CNTN4: variants seen among roughly 807,000 people sequenced by gnomAD.
The protein encoded by CNTN4 is contactin 4.
A neutral mutation model predicts 122.5 loss-of-function variants in CNTN4; 77 were observed. That is an observed-to-expected ratio of 0.63 (90% CI 0.52 to 0.76). The LOEUF is 0.76. Among genes scored for constraint, CNTN4 ranks in the 30% least tolerant of loss-of-function variants. The pLI is 0.00. For missense variants in CNTN4, 1,256 were observed against 1,259.1 expected (o/e 1.00, Z 0.04); for synonymous variants, 512 against 447.0 (o/e 1.15, Z -1.83).
chr3:2,689,921 C>T (rs1410844891), intron 4 of CNTN4, among the ~76,000 whole-genome samples: 3 of 151,966 alleles, frequency 2.0e-5, no homozygotes, highest in East Asian at 1.9e-4. Context: ...GAGGTAGGGG[C>T]GTGTGTGTTT....
intron 3 of CNTN4, among the ~76,000 whole-genome samples, chr3:2,440,630 A>G (rs1011588658): frequency 1.3e-5 from 2 of 151,926 alleles, no homozygotes; most frequent in Non-Finnish European, 2.9e-5. Flanking sequence ...GCAAAGCTAA[A>G]CATTCTGAAT....
At chr3:2,284,444 A>T (rs961572144) in intron 2 of CNTN4, among the ~76,000 whole-genome samples, 9 of 152,068 alleles carry the variant, frequency 5.9e-5, no homozygotes, top group African/African-American at 1.9e-4. Flanking sequence ...AATCCTTTTA[A>T]CTGGTCTGGA....
In CNTN4 at chr3:2,682,066, TCA is replaced by T. The variant is rs1405914251; in HGVS notation, c.56-54146_56-54145del. The stretch of plus-strand genomic sequence containing the variant: ...TCTTCCAATATGAATCGTTATCCAT[TCA>T]CAGATATTTATAAATCCTCTACTAG... On this transcript the variant is annotated intron_variant, in intron 4 of 24. Coordinates refer to ENST00000418658, the MANE Select transcript of CNTN4 (RefSeq NM_175607.3). 4.6e-5 allele frequency among the ~76,000 whole-genome samples: 7 copies of T among 152,192 alleles called. No homozygotes were observed. The East Asian group carries it at 1.3e-3, about 29-fold the overall frequency.
chr3:2,329,193 G>C (rs1145033), intron 2 of CNTN4, among the ~76,000 whole-genome samples: 134,427 of 152,226 alleles, frequency 0.88, 60,255 homozygotes, highest in East Asian at 1. Context: ...CTGTCTACCA[G>C]CAGAAGTGCA....
chr3:2,919,666 T>C (rs771566309), intron 12 of CNTN4, among the ~76,000 whole-genome samples: 1 of 152,178 alleles, frequency 6.6e-6, no homozygotes, highest in Non-Finnish European at 1.5e-5. Context: ...TGAGTTTGTA[T>C]AAGAGTTTAA....
At chr3:2,267,531 T>C (rs2041101740) in intron 2 of CNTN4, among the ~76,000 whole-genome samples, 1 of 152,126 alleles carries the variant, frequency 6.6e-6, no homozygotes, top group African/African-American at 2.4e-5. Flanking sequence ...ATGTCTGTTA[T>C]ACATGACAAT....
intron 3 of CNTN4, among the ~76,000 whole-genome samples, chr3:2,363,017 G>A (rs561846969): frequency 2.7e-4 from 41 of 152,018 alleles, no homozygotes; most frequent in African/African-American, 9.7e-4. Context: ...CTGAGACAAT[G>A]TTCCAGGTTT....
At chr3:2,651,313 T>C (rs1011473716) in intron 4 of CNTN4, among the ~76,000 whole-genome samples, 2 of 152,176 alleles carry the variant, frequency 1.3e-5, no homozygotes, top group African/African-American at 2.4e-5. Flanking sequence ...GTGCTCCCGA[T>C]GATCCCTTTG....
intron 3 of CNTN4, among the ~76,000 whole-genome samples, chr3:2,567,221 G>A (rs2079206908): frequency 6.6e-6 from 1 of 151,850 alleles, no homozygotes; most frequent in Admixed American, 6.6e-5. Context: ...CTAGTAGCTG[G>A]GACTACAGGC....
intron 2 of CNTN4, among the ~76,000 whole-genome samples, chr3:2,308,482 T>C (rs1280131624): frequency 1.3e-5 from 2 of 152,096 alleles, no homozygotes; most frequent in East Asian, 1.9e-4. Flanking sequence ...AGTTAAGTTA[T>C]TGATTTTAAA....
At chr3:2,134,510 A>C (rs1457992382) in intron 2 of CNTN4, among the ~76,000 whole-genome samples, 1 of 152,150 alleles carries the variant, frequency 6.6e-6, no homozygotes, top group Non-Finnish European at 1.5e-5. Context: ...TCACTGCTAA[A>C]AATTTCTCGG....
chr3:2,858,370 G>A (rs2150745546), intron 7 of CNTN4, among the ~76,000 whole-genome samples: 1 of 152,266 alleles, frequency 6.6e-6, no homozygotes, highest in South Asian at 2.1e-4. Context: ...TGGACATTGT[G>A]TTGTATCACT....
chr3:3,010,911 T>C (rs1446934379), intron 14 of CNTN4, among the ~76,000 whole-genome samples: 2 of 151,842 alleles, frequency 1.3e-5, no homozygotes, highest in Admixed American at 6.6e-5. Context: ...CTCATTGAAA[T>C]GCAGATCTCC....
At position 3,006,031 on chromosome 3, in the gene CNTN4, G is replaced by A. The variant is rs368979919; in HGVS notation, c.1486+17559G>A. Among the ~76,000 whole-genome samples the A allele has an allele frequency of 2.4e-4, 36 of 151,648 alleles. 1 individual carries two copies. Among genetic ancestry groups the A allele is most frequent in the East Asian group, 2.1e-3 (11 of 5,126 alleles). On this transcript the variant is annotated intron_variant, in intron 14 of 24. Coordinates refer to ENST00000418658, the MANE Select transcript of CNTN4 (RefSeq NM_175607.3). ...CTCCCAAGTAGCTGGGACTACAGGC[G>A]CCCACCCCCACGCTCGGCTAATTTT... is the stretch of plus-strand genomic sequence containing the variant.
chr3:2,164,214 A>G (rs2036091705), intron 2 of CNTN4, among the ~76,000 whole-genome samples: 1 of 152,106 alleles, frequency 6.6e-6, no homozygotes, highest in Non-Finnish European at 1.5e-5. Flanking sequence ...ACAAAGAAGA[A>G]AGAGAGATTG....
At chr3:2,458,516 A>G (rs1033064772) in intron 3 of CNTN4, among the ~76,000 whole-genome samples, 1 of 152,272 alleles carries the variant, frequency 6.6e-6, no homozygotes, top group Non-Finnish European at 1.5e-5. Flanking sequence ...ATTAAGCATT[A>G]TCTATCTATT....
At chr3:2,687,445 G>T (rs2085495009) in intron 4 of CNTN4, among the ~76,000 whole-genome samples, 1 of 152,092 alleles carries the variant, frequency 6.6e-6, no homozygotes, top group Admixed American at 6.6e-5. Flanking sequence ...TGGATCACTT[G>T]AGCCTGGAAG....
Position 2,630,065 on chromosome 3 carries a change from T to C in CNTN4, c.55+58507T>C, listed in dbSNP as rs563094991. Among the ~76,000 whole-genome samples, 13 of 152,302 alleles carry C rather than the reference T, an allele frequency of 8.5e-5. 1 individual carries two copies. The East Asian group carries it at 2.3e-3, about 27-fold the overall frequency. ...TGGAACACACAACCATATTCATTGGTTTATGTGTTATCTATGACTGTTATC... is the reference window on the plus strand; with the variant it reads ...TGGAACACACAACCATATTCATTGGCTTATGTGTTATCTATGACTGTTATC... On this transcript the variant is annotated intron_variant, in intron 4 of 24. Transcript: ENST00000418658.
At chr3:2,869,137 A>G (rs977338834) in intron 8 of CNTN4, among the ~76,000 whole-genome samples, 9 of 152,202 alleles carry the variant, frequency 5.9e-5, no homozygotes, top group Non-Finnish European at 8.8e-5. Flanking sequence ...AAATAGGAGA[A>G]ATTAGCAGAT....
Sources: allele counts gnomAD v4.1 joint callset (sites outside exome capture counted in the v4.1 genomes callset), GRCh38; gene constraint gnomAD v4.1.1; transcripts MANE v1.5; gene names NCBI Gene and HGNC (gene_info 2026-07-23, HGNC 2026-07-21).